ACSM2B: variants seen among roughly 807,000 people sequenced by gnomAD.
ACSM2B encodes acyl-coenzyme A synthetase ACSM2B, mitochondrial.
Under a neutral mutation model 78.6 loss-of-function variants are expected in ACSM2B, and 58 were observed. The observed-to-expected ratio is 0.74, with a 90% confidence interval of 0.60 to 0.92. ACSM2B has a LOEUF of 0.92. ACSM2B is among the 40% of genes least tolerant of loss of function. The pLI, the probability that ACSM2B is intolerant of heterozygous loss-of-function variation, is 0.00. For synonymous variants in ACSM2B, 257 were observed against 256.8 expected, an observed-to-expected ratio of 1.00 and a Z score of -0.01; for missense variants, 688 against 711.2, an observed-to-expected ratio of 0.97 and a Z score of 0.37.
intron 12 of ACSM2B, 32 bp from the exon 13 acceptor site, chr16:20,540,805 G>T: frequency 6.2e-7 from 1 of 1,609,360 alleles, no homozygotes. Context: ...AGAGATAAGG[G>T]ATTAGAGTGT....
At chr16:20,566,569 G>C (rs1355911771) in intron 1 of ACSM2B, among the ~76,000 whole-genome samples, 1 of 93,870 alleles carries the variant, frequency 1.1e-5, no homozygotes, top group African/African-American at 4.5e-5. Context: ...TAGTATATAA[G>C]GAGATATGTT....
chr16:20,552,338 C>T (rs1330000981), intron 5 of ACSM2B, 41 bp from the exon 6 acceptor site: 1 of 1,586,002 alleles, frequency 6.3e-7, no homozygotes, highest in Admixed American at 1.7e-5. Context: ...TAGGTGGGTG[C>T]ATGCTTAGGA....
At chr16:20,550,926 A>G (rs1478997973) in intron 6 of ACSM2B, among the ~76,000 whole-genome samples, 2 of 152,176 alleles carry the variant, frequency 1.3e-5, no homozygotes, top group African/African-American at 2.4e-5. Context: ...ATCATCTTAA[A>G]TTGGAAATAA....
intron 6 of ACSM2B, chr16:20,549,488 C>T (rs542907463): frequency 4.9e-4 from 88 of 177,828 alleles, no homozygotes; most frequent in African/African-American, 1.9e-3. Context: ...AACTAACCCA[C>T]TAACATGATA....
intron 12 of ACSM2B, chr16:20,542,408 T>C (rs2152131968): frequency 6.5e-6 from 1 of 154,786 alleles, no homozygotes; most frequent in East Asian, 1.9e-4. Flanking sequence ...TCCAGTTCTC[T>C]CCATGTTGCT....
chr16:20,572,774 AT>A (rs1381425980), intron 1 of ACSM2B, among the ~76,000 whole-genome samples: 35 of 150,620 alleles, frequency 2.3e-4, no homozygotes, highest in African/African-American at 7.9e-4. Flanking sequence ...TCATTGAAAA[AT>A]TTTTTTTTCT....
intron 1 of ACSM2B, among the ~76,000 whole-genome samples, chr16:20,571,967 T>C (rs2016104339): frequency 6.6e-6 from 1 of 151,468 alleles, no homozygotes; most frequent in South Asian, 2.1e-4. Flanking sequence ...TGAGTTCTTG[T>C]GTTAGATGAG....
At position 20,555,248 on chromosome 16, in the gene ACSM2B, A is replaced by C. The variant is rs111470403; in HGVS notation, c.596+21T>G. 1.2e-4 allele frequency: 192 copies of C among 1,613,574 alleles called. 1 individual carries two copies. Among genetic ancestry groups the C allele is most frequent in the Middle Eastern group, 3.3e-4 (2 of 6,052 alleles). On this transcript the variant is annotated intron_variant, in intron 4 of 13. Transcript: ENST00000329697. ...TTTCCAGTTTTAGTTAAAACCCAGG[A>C]TGAGACATGTAGATACTCACTTTAG...
chr16:20,536,908 C>T lies in ACSM2B; in HGVS notation c.*350G>A. On this transcript the variant is annotated 3_prime_UTR_variant, in exon 14 of 14. Coordinates refer to ENST00000329697, the MANE Select transcript of ACSM2B (RefSeq NM_001105069.2). ...CAATTATTTTTCTTCTATCTTTTCT[C>T]CCCCTTTCATCTCCTCTTTCCTTTC... 5.4e-6 allele frequency: 1 copy of T among 186,270 alleles called. No homozygotes were observed. The highest frequency in any genetic ancestry group is 1.1e-5 in the Non-Finnish European group (1 of 91,430). 11.5% of individuals were successfully genotyped at this position (186,270 alleles called of 1,614,324 possible). A position where few individuals can be genotyped will look rare whatever the true frequency, so the allele number is the denominator to read the frequency against.
chr16:20,565,054 G>A (rs1361727710), intron 1 of ACSM2B, among the ~76,000 whole-genome samples: 4 of 152,102 alleles, frequency 2.6e-5, no homozygotes, highest in Non-Finnish European at 4.4e-5. Flanking sequence ...AGAGGATACA[G>A]ACCCAGTCCT....
chr16:20,569,573 T>G (rs1468142021), intron 1 of ACSM2B, among the ~76,000 whole-genome samples: 1 of 151,920 alleles, frequency 6.6e-6, no homozygotes, highest in African/African-American at 2.4e-5. Context: ...TTTGGTTCCA[T>G]ATGAATTTTA....
intron 1 of ACSM2B, among the ~76,000 whole-genome samples, chr16:20,566,350 G>A (rs1261691086): frequency 8.5e-5 from 11 of 128,880 alleles, no homozygotes; most frequent in African/African-American, 3.2e-4. Flanking sequence ...ACAGGAGCAT[G>A]GCTAAAAATA....
At position 20,548,490 on chromosome 16, in the gene ACSM2B, A is replaced by C; in HGVS notation, c.895-17T>G. ...GGAGAGTGTCTGGAAGACAAGAGCCAGGTGAGACATTGGTCACCAGGTCAA... is the reference window on the plus strand; with the variant it reads ...GGAGAGTGTCTGGAAGACAAGAGCCCGGTGAGACATTGGTCACCAGGTCAA... On this transcript the variant is annotated splice_polypyrimidine_tract_variant and intron_variant, in intron 6 of 13. Coordinates refer to ENST00000329697, the MANE Select transcript of ACSM2B (RefSeq NM_001105069.2). 2 of 1,613,588 alleles carry C rather than the reference A, an allele frequency of 1.2e-6. No homozygotes were observed.
intron 12 of ACSM2B, chr16:20,540,975 G>T (rs1312752265): frequency 1.9e-5 from 12 of 619,948 alleles, no homozygotes; most frequent in Non-Finnish European, 3.0e-5. Flanking sequence ...GGAGGAGCAG[G>T]TGGACAATAG....
intron 1 of ACSM2B, among the ~76,000 whole-genome samples, chr16:20,566,129 T>G (rs1382695450): frequency 6.9e-6 from 1 of 145,712 alleles, no homozygotes; most frequent in East Asian, 2.0e-4. Context: ...AATTCTATTT[T>G]TATATATATT....
At chr16:20,573,141 T>C (rs1349392735) in intron 1 of ACSM2B, among the ~76,000 whole-genome samples, 2 of 151,872 alleles carry the variant, frequency 1.3e-5, no homozygotes, top group African/African-American at 4.8e-5. Context: ...TTAAACAGCC[T>C]TGTTTTATCA....
At chr16:20,567,594 T>A (rs1047363755) in intron 1 of ACSM2B, among the ~76,000 whole-genome samples, 2 of 134,522 alleles carry the variant, frequency 1.5e-5, no homozygotes, top group African/African-American at 2.8e-5. Flanking sequence ...AATAATAATA[T>A]AAGATATATA....
Position 20,543,187 on chromosome 16 carries a change from C to T in ACSM2B, c.1357G>A (p.Asp453Asn), listed in dbSNP as rs1470235810. Residue 453 changes from aspartate (D) to asparagine (N), a missense_variant, in exon 11 of 14, where the codon GAT becomes AAT. Coordinates refer to ENST00000329697, the MANE Select transcript of ACSM2B (RefSeq NM_001105069.2). ...CGTCCCATAAACTGGAAATACCCAT[C>T]TTCATCTTTGATTCCCCGGTCTCCA... Reference protein sequence around the residue: ...LLGDRGIKDEDGYFQFMGRAD... With the variant: ...LLGDRGIKDENGYFQFMGRAD... 11 of 1,613,742 alleles carry T rather than the reference C, an allele frequency of 6.8e-6. No individual in the cohort carries two copies. In the East Asian group the frequency reaches 2.5e-4, roughly 36 times the overall value.
rs367711859 is a variant in ACSM2B at position 20,546,372 on chromosome 16, C to T, written c.1179+22G>A. On this transcript the variant is annotated intron_variant, in intron 9 of 13. Transcript: ENST00000329697. ...ATCAGTGTTTCCCCTAACTTCCTCC[C>T]TCCTCAGTGTCCCGAGCAAACCTGT... 319 of 1,577,684 alleles carry T rather than the reference C, an allele frequency of 2.0e-4. No individual in the cohort carries two copies. In the African/African-American group the frequency reaches 4.0e-3, roughly 20 times the overall value.
Sources: gnomAD v4.1 joint callset for allele counts (sites outside exome capture counted in the v4.1 genomes callset) on GRCh38, gnomAD v4.1.1 for gene constraint, MANE v1.5 for transcripts, NCBI Gene and HGNC (gene_info 2026-07-23, HGNC 2026-07-21) for gene names.